The following RGS22 variants were observed in gnomAD, a reference collection of about 807,000 sequenced individuals.
RGS22 encodes regulator of G protein signaling 22, also known as regulator of G-protein signaling 22.
In RGS22, 148 loss-of-function variants were observed where a neutral mutation model predicts 172.9. The observed-to-expected ratio is 0.86, with a 90% CI of 0.75 to 0.98. RGS22 has a LOEUF of 0.98. Among genes scored for constraint, RGS22 ranks in the 50% least tolerant of loss-of-function variants. RGS22 has a pLI of 0.00. For missense variants in RGS22, 1,347 were observed against 1,440.8 expected, an observed-to-expected ratio of 0.93 and a Z score of 1.05; for synonymous variants, 458 against 480.2, an observed-to-expected ratio of 0.95 and a Z score of 0.60.
rs766010574 is a variant in RGS22 at position 100,022,733 on chromosome 8, AAATT to A, written c.2167-14168_2167-14165del. On this transcript the variant is annotated intron_variant, in intron 14 of 27. Coordinates refer to ENST00000360863, the MANE Select transcript of RGS22 (RefSeq NM_015668.5). ...AATCAGTGAACAAAAAAATTCAATT[AAATT>A]AATTAATTAATTTATTTATTTATTT... is the stretch of plus-strand genomic sequence containing the variant. 1.8e-4 allele frequency among the ~76,000 whole-genome samples: 27 copies of A among 152,100 alleles called. No homozygotes were observed. In the South Asian group the frequency reaches 3.3e-3, roughly 19 times the overall value.
chr8:99,965,520 C>A, intron 23 of RGS22, 90 bp from the exon 24 acceptor site: 3 of 885,726 alleles, frequency 3.4e-6, no homozygotes, highest in Non-Finnish European at 3.5e-6. Flanking sequence ...CATCATATGA[C>A]ATAATATTTC....
At chr8:100,001,170 T>A (rs1815002118) in intron 18 of RGS22, among the ~76,000 whole-genome samples, 1 of 141,702 alleles carries the variant, frequency 7.1e-6, no homozygotes, top group South Asian at 2.2e-4. Flanking sequence ...CAGTGTTACA[T>A]GAACACAAAC....
intron 27 of RGS22, 82 bp downstream of exon 27, chr8:99,962,312 G>C: frequency 1.2e-6 from 1 of 843,790 alleles, no homozygotes; most frequent in Non-Finnish European, 2.0e-6. Flanking sequence ...GGTATGCTGT[G>C]TGTGTGCATG....
At chr8:100,063,303 A>G in intron 8 of RGS22, 113 bp downstream of exon 8, 1 of 683,036 alleles carries the variant, frequency 1.5e-6, no homozygotes, top group East Asian at 2.9e-5. Flanking sequence ...CTCCAAGAGT[A>G]AAAAATTACA....
At chr8:100,053,006 G>T (rs377154850) in intron 9 of RGS22, 30 bp from the exon 10 acceptor site, 3 of 1,591,210 alleles carry the variant, frequency 1.9e-6, no homozygotes, top group South Asian at 1.1e-5. Context: ...ATGTAAGATT[G>T]AACTAAACAA....
intron 2 of RGS22, among the ~76,000 whole-genome samples, chr8:100,100,742 G>A (rs1260869673): frequency 6.6e-6 from 1 of 151,996 alleles, no homozygotes; most frequent in East Asian, 1.9e-4. Flanking sequence ...CATTCAACCT[G>A]TAAAAATAAC....
chr8:100,094,547 A>G (rs1446103492), intron 2 of RGS22, among the ~76,000 whole-genome samples: 1 of 152,208 alleles, frequency 6.6e-6, no homozygotes, highest in Non-Finnish European at 1.5e-5. Context: ...TATATCAAGA[A>G]ACTTACTAGA....
chr8:100,073,605 ACT>A (rs1339980563), intron 4 of RGS22, among the ~76,000 whole-genome samples: 6 of 152,076 alleles, frequency 3.9e-5, no homozygotes, highest in African/African-American at 7.2e-5. Context: ...AGTTAGAAAG[ACT>A]CTGCATAGGC....
rs1039501235 is a variant in RGS22 at position 100,004,167 on chromosome 8, A to G, written c.2455-69T>C. ...AGATTGTTTACAATTTTAAGTAGAG[A>G]AACTGAAAGAAAAATCAACCATTAG... On this transcript the variant is annotated intron_variant, in intron 16 of 27. Transcript: ENST00000360863. The G allele has an allele frequency of 2.8e-6, 4 of 1,443,678 alleles. No homozygotes were observed. In the African/African-American group the frequency reaches 5.7e-5, roughly 21 times the overall value. The allele number at this position is 1,443,678 out of a possible 1,614,324, so 89.4% of individuals were successfully genotyped here.
chr8:99,967,481 G>A (rs904686799), intron 23 of RGS22, among the ~76,000 whole-genome samples: 2 of 152,124 alleles, frequency 1.3e-5, no homozygotes, highest in Admixed American at 6.5e-5. Context: ...AGATCCACTG[G>A]CTTGAAATTC....
chr8:100,061,220 A>G (rs1325909438), intron 9 of RGS22, among the ~76,000 whole-genome samples: 1 of 152,214 alleles, frequency 6.6e-6, no homozygotes, highest in African/African-American at 2.4e-5. Flanking sequence ...AAGACAACCT[A>G]GGCAATACCA....
chr8:100,071,732 T>G (rs1385833567), intron 5 of RGS22, among the ~76,000 whole-genome samples, 195 bp from the exon 6 acceptor site: 1 of 152,230 alleles, frequency 6.6e-6, no homozygotes, highest in Non-Finnish European at 1.5e-5. Flanking sequence ...TTAATTGATT[T>G]TGACTTAAAA....
intron 14 of RGS22, among the ~76,000 whole-genome samples, chr8:100,030,426 T>A (rs913898734): frequency 1.3e-5 from 2 of 152,226 alleles, no homozygotes; most frequent in Non-Finnish European, 2.9e-5. Flanking sequence ...AGGCAGGTGC[T>A]TCAGGAGGAA....
intron 9 of RGS22, among the ~76,000 whole-genome samples, chr8:100,054,759 C>G (rs1822066593): frequency 6.6e-6 from 1 of 151,976 alleles, no homozygotes; most frequent in South Asian, 2.1e-4. Context: ...GTTTCAGAAC[C>G]TTTACTTGCA....
chr8:99,962,065 CTT>C (rs34386641), intron 27 of RGS22, among the ~76,000 whole-genome samples: 12 of 150,702 alleles, frequency 8.0e-5, no homozygotes, highest in Non-Finnish European at 8.9e-5. Flanking sequence ...ATTTTTAGTT[CTT>C]TTTTTTTTTA....
intron 23 of RGS22, among the ~76,000 whole-genome samples, chr8:99,966,546 A>T (rs1400769190): frequency 6.6e-6 from 1 of 152,226 alleles, no homozygotes; most frequent in Non-Finnish European, 1.5e-5. Context: ...ATTTCAATTA[A>T]TACAAATCTT....
chr8:100,049,626 T>C (rs1194943067), intron 10 of RGS22, among the ~76,000 whole-genome samples: 2 of 152,206 alleles, frequency 1.3e-5, no homozygotes, highest in East Asian at 3.8e-4. Flanking sequence ...TGTTCATATG[T>C]TATCAGATGA....
chr8:100,078,166 A>C (rs1049832441), intron 4 of RGS22, among the ~76,000 whole-genome samples: 8 of 152,088 alleles, frequency 5.3e-5, no homozygotes, highest in Non-Finnish European at 1.5e-5. Flanking sequence ...TTTTTAAAAA[A>C]TCATCCCTGA....
intron 23 of RGS22, among the ~76,000 whole-genome samples, chr8:99,973,935 A>G (rs1361829215): frequency 6.6e-6 from 1 of 151,996 alleles, no homozygotes; most frequent in Non-Finnish European, 1.5e-5. Context: ...GCAAACTACC[A>G]TGGCACATGT....
Sources: gnomAD v4.1 joint callset for allele counts (sites outside exome capture counted in the v4.1 genomes callset) on GRCh38, gnomAD v4.1.1 for gene constraint, MANE v1.5 for transcripts, NCBI Gene and HGNC (gene_info 2026-07-23, HGNC 2026-07-21) for gene names.